RAD54B: variants seen among roughly 807,000 people sequenced by gnomAD.
RAD54B encodes the protein DNA repair and recombination protein RAD54B.
RAD54B carries 78 observed loss-of-function variants against 95.8 expected under a neutral mutation model. The ratio of observed to expected loss-of-function variants is 0.81; its 90% confidence interval spans 0.68 to 0.98. RAD54B has a LOEUF of 0.98. Ranked by LOEUF, RAD54B falls within the 50% of genes least tolerant of loss-of-function variation. The probability of loss-of-function intolerance (pLI) is 0.00; values close to 1 mark genes in which losing one functional copy is unlikely to be tolerated. For synonymous variants in RAD54B, 328 were observed against 354.9 expected, an observed-to-expected ratio of 0.92 and a Z score of 0.85; for missense variants, 957 against 1,056.6, an observed-to-expected ratio of 0.91 and a Z score of 1.31.
chr8:94,426,277 A>C (rs1221908225), intron 3 of RAD54B, among the ~76,000 whole-genome samples: 3 of 151,972 alleles, frequency 2.0e-5, no homozygotes, highest in Admixed American at 1.3e-4. Flanking sequence ...AAAAAAAAAA[A>C]AAAACTCATA....
chr8:94,418,721 C>A (rs886511388), intron 3 of RAD54B, among the ~76,000 whole-genome samples: 1 of 152,130 alleles, frequency 6.6e-6, no homozygotes, highest in African/African-American at 2.4e-5. Flanking sequence ...CAGTATACAA[C>A]CGTTTCAAAA....
At chr8:94,458,562 A>G (rs1233359351) in intron 2 of RAD54B, 126 bp from the exon 3 acceptor site, 14 of 673,942 alleles carry the variant, frequency 2.1e-5, no homozygotes, top group Non-Finnish European at 3.1e-5. Flanking sequence ...CTAGAACTAG[A>G]TATTTAAAAA....
intron 3 of RAD54B, among the ~76,000 whole-genome samples, chr8:94,413,391 A>G (rs1051198162): frequency 6.6e-6 from 1 of 152,222 alleles, no homozygotes; most frequent in Non-Finnish European, 1.5e-5. Flanking sequence ...AAATAGAACT[A>G]TTCACACATA....
intron 14 of RAD54B, among the ~76,000 whole-genome samples, chr8:94,374,752 G>GA (rs1810527033): frequency 6.6e-6 from 1 of 151,894 alleles, no homozygotes; most frequent in Non-Finnish European, 1.5e-5. Context: ...ATATGAAGCA[G>GA]AAAATGACAA....
At chr8:94,439,636 A>G (rs1311723034) in intron 3 of RAD54B, among the ~76,000 whole-genome samples, 1 of 148,406 alleles carries the variant, frequency 6.7e-6, no homozygotes, top group East Asian at 2.1e-4. Flanking sequence ...AATATATTTA[A>G]GAAATACATT....
chr8:94,468,747 T>C (rs1423598720), intron 1 of RAD54B, among the ~76,000 whole-genome samples: 2 of 151,734 alleles, frequency 1.3e-5, no homozygotes, highest in African/African-American at 2.4e-5. Flanking sequence ...GAGAATGGCG[T>C]GAACCCGGGA....
chr8:94,398,526 T>C (rs1406495935), intron 8 of RAD54B, among the ~76,000 whole-genome samples: 1 of 151,982 alleles, frequency 6.6e-6, no homozygotes, highest in Non-Finnish European at 1.5e-5. Flanking sequence ...GTGACATGCA[T>C]AAACGACACA....
chr8:94,389,994 G>A (rs559220660), intron 10 of RAD54B, among the ~76,000 whole-genome samples: 58 of 152,188 alleles, frequency 3.8e-4, no homozygotes, highest in Non-Finnish European at 6.9e-4. Context: ...TATTTTTACC[G>A]TGCTTCATGC....
At chr8:94,461,432 G>A (rs1812901426) in intron 2 of RAD54B, among the ~76,000 whole-genome samples, 1 of 150,782 alleles carries the variant, frequency 6.6e-6, no homozygotes, top group South Asian at 2.1e-4. Context: ...GCCTCCCAAA[G>A]TGCTGGGATT....
chr8:94,432,063 G>C (rs1469971489), intron 3 of RAD54B: 32 of 1,471,778 alleles, frequency 2.2e-5, no homozygotes, highest in Non-Finnish European at 3.6e-6. Flanking sequence ...TTCTGTTTCA[G>C]GATATTCCCA....
intron 3 of RAD54B, among the ~76,000 whole-genome samples, chr8:94,420,359 G>A (rs1366016988): frequency 2.0e-5 from 3 of 148,148 alleles, no homozygotes; most frequent in South Asian, 2.2e-4. Flanking sequence ...GGGCTCAAGC[G>A]ATCCTCCCAC....
chr8:94,378,868 G>C (rs1473072302), intron 12 of RAD54B, among the ~76,000 whole-genome samples: 1 of 152,216 alleles, frequency 6.6e-6, no homozygotes, highest in Non-Finnish European at 1.5e-5. Flanking sequence ...AGAGTATCAT[G>C]CAAGAGTGAG....
chr8:94,435,298 T>A (rs1812225651), intron 3 of RAD54B, among the ~76,000 whole-genome samples: 1 of 152,112 alleles, frequency 6.6e-6, no homozygotes, highest in South Asian at 2.1e-4. Flanking sequence ...ATATTTTTTT[T>A]ACTGTGCTAT....
chr8:94,391,539 C>T (rs1276870277), intron 10 of RAD54B, 70 bp downstream of exon 10: 3 of 1,462,500 alleles, frequency 2.1e-6, no homozygotes, highest in Non-Finnish European at 2.8e-6. Context: ...TTAGCCCTGT[C>T]TGCCCTCTTA....
chr8:94,436,797 T>C lies in RAD54B; in HGVS notation c.304+21471A>G, dbSNP rs61746714. The stretch of plus-strand genomic sequence containing the variant: ...TGTGTTCTTCGAGAATTTTCACATA[T>C]GGCTTCACAAGCTTTAGCAAATCAA... On this transcript the variant is annotated intron_variant, in intron 3 of 14. Coordinates refer to ENST00000336148, the MANE Select transcript of RAD54B (RefSeq NM_012415.3). 130 of 1,549,876 alleles carry C rather than the reference T, an allele frequency of 8.4e-5. No individual in the cohort carries two copies. The African/African-American group carries it at 1.2e-3, about 15-fold the overall frequency.
At chr8:94,398,249 C>T (rs897500493) in intron 8 of RAD54B, among the ~76,000 whole-genome samples, 8 of 152,052 alleles carry the variant, frequency 5.3e-5, no homozygotes, top group Non-Finnish European at 8.8e-5. Flanking sequence ...TTTAGCATTT[C>T]CCAAAATCAT....
chr8:94,373,170 C>T (rs1464412367), intron 14 of RAD54B: 1 of 152,168 alleles, frequency 6.6e-6, no homozygotes, highest in African/African-American at 2.4e-5. Context: ...GGAAGGGACA[C>T]TGGCATAGTC....
intron 1 of RAD54B, among the ~76,000 whole-genome samples, chr8:94,471,589 A>T (rs904107813): frequency 1.3e-5 from 2 of 152,150 alleles, no homozygotes; most frequent in Non-Finnish European, 2.9e-5. Flanking sequence ...AAGTAGATAT[A>T]ATATACATGT....
intron 11 of RAD54B, among the ~76,000 whole-genome samples, chr8:94,384,652 A>G (rs1350179628): frequency 6.6e-6 from 1 of 152,234 alleles, no homozygotes; most frequent in African/African-American, 2.4e-5. Flanking sequence ...AATGGTTAAA[A>G]TGGTAACTCT....
Sources: allele counts gnomAD v4.1 joint callset (sites outside exome capture counted in the v4.1 genomes callset), GRCh38; gene constraint gnomAD v4.1.1; transcripts MANE v1.5; gene names NCBI Gene and HGNC (gene_info 2026-07-23, HGNC 2026-07-21).